Variants in ATRNL1 observed in about 807,000 individuals in gnomAD.
ATRNL1 encodes the protein attractin like 1, also known as attractin-like protein 1.
Under a neutral mutation model 182.7 loss-of-function variants are expected in ATRNL1, and 95 were observed. That is an observed-to-expected ratio of 0.52 (90% CI 0.44 to 0.62). The LOEUF is 0.62. Ranked by LOEUF, ATRNL1 falls within the 20% of genes least tolerant of loss-of-function variation. The pLI, the probability that ATRNL1 is intolerant of heterozygous loss-of-function variation, is 0.00. For missense variants in ATRNL1, 1,471 were observed against 1,679.5 expected, an observed-to-expected ratio of 0.88 and a Z score of 2.17; for synonymous variants, 576 against 568.3, an observed-to-expected ratio of 1.01 and a Z score of -0.19.
intron 9 of ATRNL1, among the ~76,000 whole-genome samples, chr10:115,239,979 C>T (rs1554902464): frequency 6.6e-6 from 1 of 152,074 alleles, no homozygotes; most frequent in African/African-American, 2.4e-5. Context: ...ATGTTCTTGG[C>T]TTTACTTGCC....
At chr10:115,212,700 A>C (rs782625958) in intron 8 of ATRNL1, among the ~76,000 whole-genome samples, 3 of 152,104 alleles carry the variant, frequency 2.0e-5, no homozygotes, top group African/African-American at 4.8e-5. Context: ...TTTTGCAGGG[A>C]CATGGTTGGA....
intron 19 of ATRNL1, among the ~76,000 whole-genome samples, chr10:115,366,973 T>C (rs1189509770): frequency 7.1e-6 from 1 of 140,348 alleles, no homozygotes; most frequent in East Asian, 2.0e-4. Context: ...ATTTCAACTT[T>C]GGTGAATCTG....
intron 18 of ATRNL1, among the ~76,000 whole-genome samples, chr10:115,319,602 CTCT>C (rs1255692867): frequency 6.6e-6 from 1 of 151,952 alleles, no homozygotes; most frequent in Non-Finnish European, 1.5e-5. Flanking sequence ...GAATAGTTAA[CTCT>C]TCTTGTTGAA....
rs182470592 is a variant in ATRNL1 at position 115,810,865 on chromosome 10, G to A, written c.3904-37012G>A. Among the ~76,000 whole-genome samples the A allele has an allele frequency of 2.6e-5, 4 of 151,652 alleles. No homozygotes were observed. In the East Asian group the frequency reaches 7.8e-4, roughly 29 times the overall value. ...TAGTGATGTCTTCTCTTTCATTCTT[G>A]ATATATGTTGTTTCTTTTTCTTGGT... On this transcript the variant is annotated intron_variant, in intron 27 of 28. Coordinates refer to ENST00000355044, the MANE Select transcript of ATRNL1 (RefSeq NM_207303.4).
At chr10:115,489,997 G>A (rs1849217713) in intron 24 of ATRNL1, among the ~76,000 whole-genome samples, 4 of 152,140 alleles carry the variant, frequency 2.6e-5, no homozygotes, top group Admixed American at 2.6e-4. Flanking sequence ...TAGTTTGGCT[G>A]TATATGAAAT....
In ATRNL1 at chr10:115,608,033, C is replaced by T. The variant is rs117337172; in HGVS notation, c.3795+58497C>T. ...TTTACATGGGATAATTACATTTTAT[C>T]GGTTAAATAGGAACCAGTATATATG... On this transcript the variant is annotated intron_variant, in intron 26 of 28. Coordinates refer to ENST00000355044, the MANE Select transcript of ATRNL1 (RefSeq NM_207303.4). 7.0e-3 allele frequency among the ~76,000 whole-genome samples: 1,061 copies of T among 151,986 alleles called. 5 individuals carry two copies. Among genetic ancestry groups the T allele is most frequent in the Non-Finnish European group, 0.012 (840 of 67,846 alleles).
chr10:115,822,449 T>A (rs1170254435), intron 27 of ATRNL1, among the ~76,000 whole-genome samples: 10 of 151,956 alleles, frequency 6.6e-5, no homozygotes, highest in African/African-American at 2.4e-4. Flanking sequence ...CTGAAGGAGA[T>A]AGAGAGACGA....
intron 26 of ATRNL1, among the ~76,000 whole-genome samples, chr10:115,684,464 T>C (rs1181085556): frequency 1.3e-5 from 2 of 151,284 alleles, no homozygotes; most frequent in African/African-American, 4.8e-5. Flanking sequence ...TTTTTTATTT[T>C]TCCTCTAACA....
chr10:115,731,516 T>C (rs958596373), intron 27 of ATRNL1, among the ~76,000 whole-genome samples: 5 of 152,042 alleles, frequency 3.3e-5, no homozygotes, highest in Non-Finnish European at 7.4e-5. Context: ...GAAAAATAAT[T>C]ACATGTAAAT....
At chr10:115,880,601 G>T (rs2615892) in intron 28 of ATRNL1, among the ~76,000 whole-genome samples, 8 of 152,018 alleles carry the variant, frequency 5.3e-5, no homozygotes, top group Admixed American at 2.0e-4. Context: ...TCCAGCCTGG[G>T]CAACAGAGTG....
At position 115,490,037 on chromosome 10, in the gene ATRNL1, T is replaced by C. The variant is rs187672328; in HGVS notation, c.3654+20708T>C. Among the ~76,000 whole-genome samples the C allele has an allele frequency of 1.9e-4, 29 of 152,318 alleles. No homozygotes were observed. In the East Asian group the frequency reaches 5.2e-3, roughly 27 times the overall value. On this transcript the variant is annotated intron_variant, in intron 24 of 28. Coordinates refer to ENST00000355044, the MANE Select transcript of ATRNL1 (RefSeq NM_207303.4). ...GGTTGAAAATTCTTTTCTTTAAGAATGTTAAATATTAGCCCCCAGTCTCTT... is the reference window on the plus strand; with the variant it reads ...GGTTGAAAATTCTTTTCTTTAAGAACGTTAAATATTAGCCCCCAGTCTCTT...
intron 21 of ATRNL1, among the ~76,000 whole-genome samples, chr10:115,461,707 T>C (rs1289117558): frequency 2.0e-5 from 3 of 152,102 alleles, no homozygotes; most frequent in Non-Finnish European, 2.9e-5. Flanking sequence ...AACTTTGTAA[T>C]AGCATCAGAA....
intron 19 of ATRNL1, among the ~76,000 whole-genome samples, chr10:115,354,998 C>T (rs192506835): frequency 1.3e-5 from 2 of 151,984 alleles, no homozygotes; most frequent in East Asian, 1.9e-4. Flanking sequence ...TTTTTCAGCT[C>T]GAGTGATTTT....
intron 25 of ATRNL1, among the ~76,000 whole-genome samples, chr10:115,523,099 C>T (rs1430105612): frequency 2.0e-5 from 3 of 152,180 alleles, no homozygotes; most frequent in African/African-American, 7.2e-5. Flanking sequence ...CTTTTCAATA[C>T]ATCCCCTGAA....
intron 24 of ATRNL1, among the ~76,000 whole-genome samples, chr10:115,488,025 T>A (rs1403814316): frequency 6.6e-6 from 1 of 152,208 alleles, no homozygotes; most frequent in Non-Finnish European, 1.5e-5. Context: ...TGGACTAGTT[T>A]ATTGATTTGC....
intron 26 of ATRNL1, among the ~76,000 whole-genome samples, chr10:115,642,138 G>C (rs1034128164): frequency 6.6e-6 from 1 of 152,014 alleles, no homozygotes; most frequent in South Asian, 2.1e-4. Flanking sequence ...CAGACTCAAT[G>C]GTGTTAGCAA....
At chr10:115,419,309 A>G (rs1236697852) in intron 20 of ATRNL1, among the ~76,000 whole-genome samples, 1 of 152,184 alleles carries the variant, frequency 6.6e-6, no homozygotes, top group African/African-American at 2.4e-5. Context: ...GTAAGGAATA[A>G]AACACATTAC....
intron 26 of ATRNL1, among the ~76,000 whole-genome samples, chr10:115,720,206 A>G (rs1947380139): frequency 6.6e-6 from 1 of 152,124 alleles, no homozygotes; most frequent in East Asian, 1.9e-4. Flanking sequence ...AGACTTACAA[A>G]TGGACAGATG....
At chr10:115,379,444 G>T (rs545276010) in intron 19 of ATRNL1, among the ~76,000 whole-genome samples, 26 of 152,156 alleles carry the variant, frequency 1.7e-4, no homozygotes, top group Non-Finnish European at 2.6e-4. Flanking sequence ...TGAATTTACT[G>T]TACAATGGTA....
Sources: gnomAD v4.1 joint callset for allele counts (sites outside exome capture counted in the v4.1 genomes callset) on GRCh38, gnomAD v4.1.1 for gene constraint, MANE v1.5 for transcripts, NCBI Gene and HGNC (gene_info 2026-07-23, HGNC 2026-07-21) for gene names.